ATP13A1: variants seen among roughly 807,000 people sequenced by gnomAD.
ATP13A1 encodes the protein ATPase 13A1.
In ATP13A1, 55 loss-of-function variants were observed where a neutral mutation model predicts 134.8. The observed-to-expected ratio is 0.41, with a 90% CI of 0.33 to 0.51. The LOEUF (loss-of-function observed/expected upper bound fraction) is 0.51, where lower values mean the gene tolerates loss of function less well. ATP13A1 is among the 20% of genes least tolerant of loss of function. ATP13A1 has a pLI of 0.29. For missense variants in ATP13A1, 1,389 were observed against 1,652.8 expected (o/e 0.84, Z 2.77); for synonymous variants, 775 against 725.1 (o/e 1.07, Z -1.10).
chr19:19,649,314 C>T (rs534312433), intron 19 of ATP13A1, among the ~76,000 whole-genome samples: 1 of 152,308 alleles, frequency 6.6e-6, no homozygotes, highest in East Asian at 1.9e-4. Context: ...TTCATGGCTT[C>T]AGCTCTGGGT....
At chr19:19,650,204 C>T (rs775840443) in intron 17 of ATP13A1, 17 of 564,346 alleles carry the variant, frequency 3.0e-5, no homozygotes, top group Non-Finnish European at 4.4e-5. Context: ...GCAGTCTGAC[C>T]CCAGCTAAGC....
chr19:19,653,886 C>A lies in ATP13A1; in HGVS notation c.1998G>T (p.Gln666His), dbSNP rs759710123. 6.4e-7 allele frequency: 1 copy of A among 1,567,226 alleles called. No homozygotes were observed. Among genetic ancestry groups the A allele is most frequent in the African/African-American group, 1.4e-5 (1 of 73,576 alleles). ...GGATGTGGTGGTAGTCGGGCGGGCA[C>A]TGGGAGAACTGCAGGGAATGCAGGG... is the stretch of plus-strand genomic sequence containing the variant. ...APETLHSMFS[Q>H]CPPDYHHIHT... Residue 666 changes from glutamine to histidine, a missense_variant, in exon 15 of 26, where the codon CAG becomes CAT. Physicochemically the swap from Gln to His is conservative, Grantham distance 24. This residue lies in a region of ATP13A1 where 747 missense variants were observed against 956.1 expected (regional missense o/e 0.78). Transcript: ENST00000357324. This position sits in a 1 kb window ranked among gnomAD's most constrained non-coding sequence, Gnocchi z 4.2.
chr19:19,662,033 A>G, intron 1 of ATP13A1: 2 of 1,558,972 alleles, frequency 1.3e-6, no homozygotes, highest in Admixed American at 1.9e-5. Flanking sequence ...CTCAGAGAGC[A>G]GAAGCGGCCC....
chr19:19,652,967 A>G (rs1339909072), intron 15 of ATP13A1: 21 of 517,998 alleles, frequency 4.1e-5, no homozygotes, highest in Non-Finnish European at 6.9e-5. Flanking sequence ...GCTTGCGGAC[A>G]TGGGCACATC....
chr19:19,654,238 G>C, intron 13 of ATP13A1, 94 bp from the exon 14 acceptor site: 1 of 1,314,692 alleles, frequency 7.6e-7, no homozygotes, highest in Non-Finnish European at 1.0e-6. Context: ...CCTCCCTCCT[G>C]CCTCCCCCAG....
At chr19:19,646,463 CA>C in intron 22 of ATP13A1, 116 bp from the exon 23 acceptor site, 2 of 1,232,828 alleles carry the variant, frequency 1.6e-6, no homozygotes, top group South Asian at 2.8e-5. Flanking sequence ...CAGCCACCAC[CA>C]AATCCTGGGG....
intron 19 of ATP13A1, among the ~76,000 whole-genome samples, chr19:19,648,628 G>T (rs993935424): frequency 6.6e-6 from 1 of 151,724 alleles, no homozygotes; most frequent in Admixed American, 6.6e-5. Flanking sequence ...GGCCAACATG[G>T]TGAAACCCCA....
At chr19:19,646,039 C>G in intron 23 of ATP13A1, 54 bp from the exon 24 acceptor site, 1 of 1,596,830 alleles carries the variant, frequency 6.3e-7, no homozygotes, top group South Asian at 1.1e-5. Context: ...CTCACACACA[C>G]TGTGTGGCTT....
In ATP13A1 at chr19:19,656,001, C is replaced by G; in HGVS notation, c.1213+53G>C. 6.2e-7 allele frequency: 1 copy of G among 1,611,912 alleles called. No individual in the cohort carries two copies. Among genetic ancestry groups the G allele is most frequent in the Non-Finnish European group, 8.5e-7 (1 of 1,179,522 alleles). On this transcript the variant is annotated intron_variant, in intron 8 of 25. Coordinates refer to ENST00000357324, the MANE Select transcript of ATP13A1 (RefSeq NM_020410.3). This position sits in a 1 kb window ranked among gnomAD's most constrained non-coding sequence, Gnocchi z 4.6. ...CCTGACTCCCTCATGATCAAGCAGACGGGCAAAGGGGGTGGAAGCCCAGAT... is the reference window on the plus strand; with the variant it reads ...CCTGACTCCCTCATGATCAAGCAGAGGGGCAAAGGGGGTGGAAGCCCAGAT...
rs113245905 is a variant in ATP13A1 at position 19,646,518 on chromosome 19, T to C, written c.3106-171A>G. The C allele has an allele frequency of 9.2e-3, 7,480 of 811,606 alleles. 61 individuals carry two copies. Among genetic ancestry groups the C allele is most frequent in the South Asian group, 0.015 (842 of 57,842 alleles). The allele number at this position is 811,606 out of a possible 1,614,324, so 50.3% of individuals were successfully genotyped here. ...CAGTCCCTGGATCCCTGCCTGCCTC[T>C]CACCCCTGAGCCCAGGGCTGCCTCC... On this transcript the variant is annotated intron_variant, in intron 22 of 25. Coordinates refer to ENST00000357324, the MANE Select transcript of ATP13A1 (RefSeq NM_020410.3).
chr19:19,653,775 G>A lies in ATP13A1; in HGVS notation c.2100+9C>T. ...ACATGGTGAAGGCAGGGGGAGCCTG[G>A]GCCCGTACCTGCTGGTGAGTGAGGT... is the stretch of plus-strand genomic sequence containing the variant. On this transcript the variant is annotated intron_variant, in intron 15 of 25. Transcript: ENST00000357324. This position sits in a 1 kb window ranked among gnomAD's most constrained non-coding sequence, Gnocchi z 4.2. 7.8e-6 allele frequency: 12 copies of A among 1,546,450 alleles called. No individual in the cohort carries two copies. Among genetic ancestry groups the A allele is most frequent in the Non-Finnish European group, 9.6e-6 (11 of 1,143,226 alleles).
In ATP13A1 at chr19:19,656,264, T is replaced by C; in HGVS notation, c.1084-81A>G. 6.6e-7 allele frequency: 1 copy of C among 1,525,424 alleles called. No homozygotes were observed. The highest frequency in any genetic ancestry group is 8.8e-7 in the Non-Finnish European group (1 of 1,137,172). The allele number at this position is 1,525,424 out of a possible 1,614,324, so 94.5% of individuals were successfully genotyped here. On this transcript the variant is annotated intron_variant, in intron 7 of 25. Coordinates refer to ENST00000357324, the MANE Select transcript of ATP13A1 (RefSeq NM_020410.3). This position sits in a 1 kb window ranked among gnomAD's most constrained non-coding sequence, Gnocchi z 4.6. ...TCTGAGTTCCTGGACAGCTGGACCT[T>C]GAGGCTGGAATGAGCCAGGGGGATC...
intron 17 of ATP13A1, chr19:19,650,871 G>A (rs947714339): frequency 4.6e-5 from 7 of 152,282 alleles, no homozygotes; most frequent in Admixed American, 2.6e-4. Flanking sequence ...GCGCCCACAG[G>A]GGCTTCACCT....
At chr19:19,650,138 C>T (rs2062014945) in intron 17 of ATP13A1, 198 bp from the exon 18 acceptor site, 3 of 603,862 alleles carry the variant, frequency 5.0e-6, no homozygotes, top group Middle Eastern at 4.4e-4. Context: ...GAACCAAGAG[C>T]CTGGGGCCTG....
At chr19:19,651,491 C>T (rs118047008) in intron 17 of ATP13A1, 198 bp downstream of exon 17, 5 of 480,170 alleles carry the variant, frequency 1.0e-5, no homozygotes, top group Non-Finnish European at 1.9e-5. Flanking sequence ...CTACATGCCG[C>T]ACATCCTGGG....
At chr19:19,657,457 T>C (rs1282751973) in intron 3 of ATP13A1, 49 bp from the exon 4 acceptor site, 9 of 1,522,926 alleles carry the variant, frequency 5.9e-6, no homozygotes, top group Non-Finnish European at 6.2e-6. Flanking sequence ...GCCTCTGGGG[T>C]ATGGAGTCTC....
intron 13 of ATP13A1, 117 bp from the exon 14 acceptor site, chr19:19,654,261 G>T (rs2062043040): frequency 6.0e-6 from 7 of 1,168,760 alleles, no homozygotes; most frequent in South Asian, 3.1e-5. Context: ...CCTGATCGGG[G>T]CTCTGGGCTA....
In ATP13A1 at chr19:19,659,967, C is replaced by T. The variant is rs183525190; in HGVS notation, c.417G>A (p.Ala139=). The stretch of plus-strand genomic sequence containing the variant: ...GGGTTGGCACCACCTTCACAAAGGT[C>T]GCTTTGCTGGGGTCGTACTCCTGAC... The part of the protein sequence containing the change: ...TCTPEYDPSK[A]TFVKVVPTPN... The change falls in exon 2 of 26, where the codon GCG becomes GCA. Residue 139 remains alanine, a synonymous_variant. Coordinates refer to ENST00000357324, the MANE Select transcript of ATP13A1 (RefSeq NM_020410.3). The T allele has an allele frequency of 1.8e-5, 29 of 1,576,984 alleles. No individual in the cohort carries two copies. The African/African-American group carries it at 2.2e-4, about 12-fold the overall frequency.
rs757566604 is a variant in ATP13A1 at position 19,655,905 on chromosome 19, G to A, written c.1242C>T (p.Val414=). The A allele has an allele frequency of 2.5e-6, 4 of 1,597,672 alleles. No homozygotes were observed. In the African/African-American group the frequency reaches 5.3e-5, roughly 21 times the overall value. The change falls in exon 9 of 26, where the codon GTC becomes GTT. Residue 414 remains valine, a synonymous_variant. Transcript: ENST00000357324. The surrounding 1 kb of genome is among the most constrained non-coding windows in gnomAD (Gnocchi z 5.7). ...KPVDSGCVAY[V]LRTGFNTSQG... Reference sequence around the variant, plus strand: ...GGGATGTGTTGAATCCGGTCCGCAGGACGTAGGCCACGCACCCGCTGTCAA... The same window carrying A: ...GGGATGTGTTGAATCCGGTCCGCAGAACGTAGGCCACGCACCCGCTGTCAA...
Sources: allele counts gnomAD v4.1 joint callset (sites outside exome capture counted in the v4.1 genomes callset), GRCh38; gene constraint gnomAD v4.1.1; regional missense constraint gnomAD v4.1.1; non-coding constraint Gnocchi (gnomAD v3.1); transcripts MANE v1.5; gene names NCBI Gene and HGNC (gene_info 2026-07-23, HGNC 2026-07-21).